DIP2B: variants seen among roughly 807,000 people sequenced by gnomAD.
DIP2B encodes the protein DIP2 acetate--CoA ligase B (putative), also known as disco-interacting protein 2 homolog B.
Under a neutral mutation model 198.0 loss-of-function variants are expected in DIP2B, and 76 were observed. The observed-to-expected ratio is 0.38, with a 90% CI of 0.32 to 0.46. DIP2B has a LOEUF of 0.46. DIP2B is among the 20% of genes least tolerant of loss of function. DIP2B has a pLI of 0.99. For missense variants in DIP2B, 1,559 were observed against 1,978.4 expected, an observed-to-expected ratio of 0.79 and a Z score of 4.02; for synonymous variants, 701 against 739.1, an observed-to-expected ratio of 0.95 and a Z score of 0.84.
intron 12 of DIP2B, among the ~76,000 whole-genome samples, chr12:50,690,241 T>C (rs1040011495): frequency 2.0e-4 from 31 of 152,002 alleles, no homozygotes; most frequent in African/African-American, 3.1e-4. Context: ...CGCCCGCCAC[T>C]ACGCCCGGCT....
intron 1 of DIP2B, among the ~76,000 whole-genome samples, chr12:50,622,749 C>T (rs1035291355): frequency 1.3e-5 from 2 of 152,138 alleles, no homozygotes; most frequent in African/African-American, 4.8e-5. Context: ...GTAGCTGAGA[C>T]TACAGGCACG....
intron 22 of DIP2B, among the ~76,000 whole-genome samples, chr12:50,709,779 TG>T (rs1939580982): frequency 6.6e-6 from 1 of 151,906 alleles, no homozygotes; most frequent in Non-Finnish European, 1.5e-5. Flanking sequence ...TCAGCCTGGG[TG>T]ACAGAGGAAG....
At chr12:50,555,085 A>G (rs1233336941) in intron 1 of DIP2B, among the ~76,000 whole-genome samples, 1 of 151,912 alleles carries the variant, frequency 6.6e-6, no homozygotes, top group African/African-American at 2.4e-5. Flanking sequence ...CCCATTTTTT[A>G]TCTCTTTTTT....
rs549808102 is a variant in DIP2B at position 50,721,339 on chromosome 12, C to G, written c.3109C>G (p.Leu1037Val). The part of the protein sequence containing the change: ...HKRAERIASV[L>V]GDKGHLNAGD... Reference sequence around the variant, plus strand: ...GCGAGCAGAGAGGATTGCATCTGTTCTTGGTGATAAGGGACATCTAAATGC... The same window carrying G: ...GCGAGCAGAGAGGATTGCATCTGTTGTTGGTGATAAGGGACATCTAAATGC... Residue 1037 changes from leucine to valine, a missense_variant, in exon 26 of 38, where the codon CTT becomes GTT. Coordinates refer to ENST00000301180, the MANE Select transcript of DIP2B (RefSeq NM_173602.3). 44 of 1,614,184 alleles carry G rather than the reference C, an allele frequency of 2.7e-5. No individual in the cohort carries two copies. Among genetic ancestry groups the G allele is most frequent in the Middle Eastern group, 3.3e-4 (2 of 6,062 alleles).
chr12:50,632,399 A>G (rs1938074926), intron 2 of DIP2B, among the ~76,000 whole-genome samples: 1 of 147,474 alleles, frequency 6.8e-6, no homozygotes, highest in Admixed American at 6.8e-5. Context: ...GAATAGTTTG[A>G]ATCTGGGAGA....
intron 22 of DIP2B, among the ~76,000 whole-genome samples, chr12:50,713,642 T>C (rs539686291): frequency 6.6e-6 from 1 of 152,318 alleles, no homozygotes; most frequent in African/African-American, 2.4e-5. Context: ...ATCACTTAAG[T>C]GGGGGCTCCT....
intron 2 of DIP2B, among the ~76,000 whole-genome samples, chr12:50,631,854 G>A (rs943237035): frequency 4.6e-5 from 7 of 152,022 alleles, no homozygotes; most frequent in African/African-American, 1.7e-4. Flanking sequence ...CATTAACAAT[G>A]TCCTTCCCAA....
chr12:50,625,290 A>G (rs951493880), intron 1 of DIP2B, among the ~76,000 whole-genome samples: 1 of 152,046 alleles, frequency 6.6e-6, no homozygotes, highest in African/African-American at 2.4e-5. Flanking sequence ...TACCTAGTCC[A>G]TTTCTTGCCA....
In DIP2B at chr12:50,563,591, A is replaced by G. The variant is rs1266032545; in HGVS notation, c.100+58351A>G. 2.7e-5 allele frequency among the ~76,000 whole-genome samples: 4 copies of G among 150,696 alleles called. No individual in the cohort carries two copies. In the East Asian group the frequency reaches 7.8e-4, roughly 29 times the overall value. ...CTCTAGCCTCCAACTCCTGGGCTTA[A>G]GTGATCCTCTTCTCTTGCCTAAGCC... On this transcript the variant is annotated intron_variant, in intron 1 of 37. Transcript: ENST00000301180.
chr12:50,706,840 T>A (rs1939522596), intron 21 of DIP2B, among the ~76,000 whole-genome samples, 175 bp downstream of exon 21: 1 of 152,164 alleles, frequency 6.6e-6, no homozygotes, highest in South Asian at 2.1e-4. Flanking sequence ...GCCTGGCTTT[T>A]AATATATATT....
intron 1 of DIP2B, among the ~76,000 whole-genome samples, chr12:50,565,965 T>A (rs535329644): frequency 1.1e-3 from 160 of 152,318 alleles, no homozygotes; most frequent in Non-Finnish European, 2.0e-3. Flanking sequence ...TTTTAAACAG[T>A]GAAATTTTTA....
At chr12:50,552,702 T>G (rs1397335578) in intron 1 of DIP2B, among the ~76,000 whole-genome samples, 8 of 152,158 alleles carry the variant, frequency 5.3e-5, no homozygotes, top group Non-Finnish European at 1.0e-4. Context: ...TTCCTTTCCT[T>G]TTGGCGTCAT....
intron 1 of DIP2B, among the ~76,000 whole-genome samples, chr12:50,524,915 A>G (rs1357917977): frequency 1.3e-5 from 2 of 152,146 alleles, no homozygotes; most frequent in Non-Finnish European, 2.9e-5. Context: ...TTGTAGATAC[A>G]GGGTCTTGCC....
At chr12:50,623,200 A>G (rs1368411878) in intron 1 of DIP2B, among the ~76,000 whole-genome samples, 1 of 151,962 alleles carries the variant, frequency 6.6e-6, no homozygotes, top group South Asian at 2.1e-4. Context: ...CCCGGGCAAC[A>G]AAGCGAGATT....
chr12:50,743,175 T>C (rs946854802), intron 37 of DIP2B, among the ~76,000 whole-genome samples: 1 of 152,224 alleles, frequency 6.6e-6, no homozygotes, highest in South Asian at 2.1e-4. Flanking sequence ...CTCTGCCTCC[T>C]GGGTTCAAGC....
intron 7 of DIP2B, among the ~76,000 whole-genome samples, chr12:50,677,481 GGC>G (rs1938966835): frequency 6.6e-6 from 1 of 152,044 alleles, no homozygotes; most frequent in South Asian, 2.1e-4. Flanking sequence ...CAGGCGTGGT[GGC>G]GGGCGCCTAT....
chr12:50,738,326 A>AAAT (rs756149194), intron 35 of DIP2B, among the ~76,000 whole-genome samples: 62 of 151,712 alleles, frequency 4.1e-4, no homozygotes, highest in South Asian at 1.7e-3. Flanking sequence ...AGACTCTCAA[A>AAAT]AATAATAATA....
chr12:50,681,295 G>A (rs193132480), intron 9 of DIP2B, among the ~76,000 whole-genome samples: 2 of 151,942 alleles, frequency 1.3e-5, no homozygotes, highest in African/African-American at 4.8e-5. Flanking sequence ...AATTAGCTGG[G>A]TGTGGTGGCA....
chr12:50,586,380 C>T (rs998263350), intron 1 of DIP2B, among the ~76,000 whole-genome samples: 1 of 152,058 alleles, frequency 6.6e-6, no homozygotes, highest in African/African-American at 2.4e-5. Context: ...AAGTGGCAGT[C>T]AAGGAGAATG....
Sources: gnomAD v4.1 joint callset for allele counts (sites outside exome capture counted in the v4.1 genomes callset) on GRCh38, gnomAD v4.1.1 for gene constraint, MANE v1.5 for transcripts, NCBI Gene and HGNC (gene_info 2026-07-23, HGNC 2026-07-21) for gene names.